The following MAN2A1 variants were observed in gnomAD, a reference collection of about 807,000 sequenced individuals.
MAN2A1 encodes the protein mannosidase alpha class 2A member 1.
MAN2A1 carries 76 observed loss-of-function variants against 142.6 expected under a neutral mutation model. That is an observed-to-expected ratio of 0.53 (90% CI 0.44 to 0.65). The LOEUF (loss-of-function observed/expected upper bound fraction) is 0.65, where lower values mean the gene tolerates loss of function less well. Ranked by LOEUF, MAN2A1 falls within the 30% of genes least tolerant of loss-of-function variation. The probability of loss-of-function intolerance (pLI) is 0.00; values close to 1 mark genes in which losing one functional copy is unlikely to be tolerated. For missense variants in MAN2A1, 1,311 were observed against 1,365.1 expected (o/e 0.96, Z 0.62); for synonymous variants, 559 against 473.2 (o/e 1.18, Z -2.35).
intron 1 of MAN2A1, among the ~76,000 whole-genome samples, chr5:109,695,487 T>C (rs1332794088): frequency 2.0e-5 from 3 of 152,202 alleles, no homozygotes; most frequent in Non-Finnish European, 4.4e-5. Flanking sequence ...GTGTTGAGAG[T>C]TTCCTGGAAT....
intron 16 of MAN2A1, among the ~76,000 whole-genome samples, chr5:109,835,911 G>A (rs1755043838): frequency 6.6e-6 from 1 of 152,042 alleles, no homozygotes; most frequent in African/African-American, 2.4e-5. Context: ...AGAGTTGGTG[G>A]TACAGAGGAA....
intron 12 of MAN2A1, among the ~76,000 whole-genome samples, chr5:109,806,329 A>T (rs1393896343): frequency 6.6e-6 from 1 of 152,172 alleles, no homozygotes; most frequent in East Asian, 1.9e-4. Context: ...AGGATACAGA[A>T]CCATTCTATG....
intron 3 of MAN2A1, among the ~76,000 whole-genome samples, chr5:109,727,551 C>T (rs1751779645): frequency 6.6e-6 from 1 of 152,164 alleles, no homozygotes; most frequent in African/African-American, 2.4e-5. Context: ...TCAGTGCAAA[C>T]TGAAATTTTG....
Position 109,713,681 on chromosome 5 carries a change from C to A in MAN2A1, c.297C>A (p.Gly99=). Residue 99 remains glycine (G), a synonymous_variant, in exon 2 of 22, where the codon GGC becomes GGA. Coordinates refer to ENST00000261483, the MANE Select transcript of MAN2A1 (RefSeq NM_002372.4). The part of the protein sequence containing the change: ...SSQSNFSQGA[G]SHLLPSQLSL... ...AAAGCAATTTCAGCCAAGGTGCTGG[C>A]TCACATCTTCTGCCCTCACAATTAT... The A allele has an allele frequency of 1.2e-6, 2 of 1,614,218 alleles. No individual in the cohort carries two copies. The highest frequency in any genetic ancestry group is 2.2e-5 in the South Asian group (2 of 91,088).
chr5:109,747,214 A>G (rs1224413553), intron 4 of MAN2A1, among the ~76,000 whole-genome samples: 2 of 152,108 alleles, frequency 1.3e-5, no homozygotes, highest in African/African-American at 4.8e-5. Context: ...TTTTTTTTTA[A>G]TCACTGTCAT....
chr5:109,777,375 G>T (rs1753322693), intron 8 of MAN2A1, among the ~76,000 whole-genome samples: 1 of 151,914 alleles, frequency 6.6e-6, no homozygotes, highest in Admixed American at 6.6e-5. Context: ...CTTTTGTGAA[G>T]TACCTATTTA....
intron 10 of MAN2A1, among the ~76,000 whole-genome samples, chr5:109,785,348 C>G (rs1582894923): frequency 6.6e-6 from 1 of 150,916 alleles, no homozygotes; most frequent in African/African-American, 2.4e-5. Flanking sequence ...TTCTTGTATA[C>G]TTCTTTTTTT....
At chr5:109,828,429 C>G (rs780535855) in intron 16 of MAN2A1, among the ~76,000 whole-genome samples, 47 of 152,114 alleles carry the variant, frequency 3.1e-4, no homozygotes, top group Non-Finnish European at 1.0e-4. Flanking sequence ...TTATTTAATA[C>G]TGCACCTACA....
chr5:109,725,495 A>T (rs528590801), intron 3 of MAN2A1, among the ~76,000 whole-genome samples: 1 of 152,352 alleles, frequency 6.6e-6, no homozygotes, highest in East Asian at 1.9e-4. Context: ...GGAGAGACTT[A>T]TAAGAATCCC....
At chr5:109,734,830 A>G (rs539133527) in intron 4 of MAN2A1, among the ~76,000 whole-genome samples, 1 of 152,256 alleles carries the variant, frequency 6.6e-6, no homozygotes, top group East Asian at 1.9e-4. Flanking sequence ...TGCGGTGCTG[A>G]AAAAAATGTA....
chr5:109,761,334 A>G (rs1408230950), intron 5 of MAN2A1, among the ~76,000 whole-genome samples: 1 of 151,650 alleles, frequency 6.6e-6, no homozygotes, highest in Non-Finnish European at 1.5e-5. Context: ...GCTGTTCTGT[A>G]TTAAGTATCA....
chr5:109,733,015 T>C (rs1751964814), intron 4 of MAN2A1, among the ~76,000 whole-genome samples: 1 of 151,726 alleles, frequency 6.6e-6, no homozygotes, highest in South Asian at 2.1e-4. Context: ...TTCTTCCATT[T>C]GTTTGTATCC....
chr5:109,725,225 G>A (rs1170360288), intron 3 of MAN2A1, among the ~76,000 whole-genome samples: 1 of 152,222 alleles, frequency 6.6e-6, no homozygotes, highest in Non-Finnish European at 1.5e-5. Context: ...ATAGCTCAGT[G>A]ATCTAGAAGA....
chr5:109,769,883 A>G (rs77404533), intron 6 of MAN2A1, among the ~76,000 whole-genome samples: 2,162 of 152,148 alleles, frequency 0.014, 39 homozygotes, highest in African/African-American at 0.049. Context: ...TTATAAGTCT[A>G]TGCTCCACAC....
intron 4 of MAN2A1, among the ~76,000 whole-genome samples, chr5:109,730,083 A>G (rs965124630): frequency 2.0e-5 from 3 of 152,280 alleles, no homozygotes; most frequent in Admixed American, 2.0e-4. Context: ...TTTTAAGTAT[A>G]TAATTAAAGT....
At position 109,859,068 on chromosome 5, in the gene MAN2A1, T is replaced by C. The variant is rs184601135; in HGVS notation, c.3171+3734T>C. ...GAGGAGAGCCTAGGAATTTGTAATT[T>C]TTAAAAATGTTTCTCATGAAATTGC... On this transcript the variant is annotated intron_variant, in intron 20 of 21. Coordinates refer to ENST00000261483, the MANE Select transcript of MAN2A1 (RefSeq NM_002372.4). 6.6e-4 allele frequency among the ~76,000 whole-genome samples: 101 copies of C among 152,326 alleles called. 1 individual carries two copies. Among genetic ancestry groups the C allele is most frequent in the African/African-American group, 2.2e-3 (92 of 41,568 alleles).
intron 12 of MAN2A1, among the ~76,000 whole-genome samples, chr5:109,802,700 C>T (rs1330491951): frequency 6.6e-6 from 1 of 151,862 alleles, no homozygotes; most frequent in Non-Finnish European, 1.5e-5. Context: ...CAGTGCTTTT[C>T]ACCCTTTTGT....
chr5:109,802,930 A>G (rs1754069236), intron 12 of MAN2A1, among the ~76,000 whole-genome samples: 1 of 152,188 alleles, frequency 6.6e-6, no homozygotes, highest in South Asian at 2.1e-4. Context: ...AGTTTATGAT[A>G]GGCTACCTAA....
chr5:109,690,266 C>T lies in MAN2A1; in HGVS notation c.-152C>T. On this transcript the variant is annotated 5_prime_UTR_variant, in exon 1 of 22. Coordinates refer to ENST00000261483, the MANE Select transcript of MAN2A1 (RefSeq NM_002372.4). Reference sequence around the variant, plus strand: ...GTGTGGTGGCGCCGGAGACTAGGTGCGGAGCAAGGCGGGGACTCGCACCCG... The same window carrying T: ...GTGTGGTGGCGCCGGAGACTAGGTGTGGAGCAAGGCGGGGACTCGCACCCG... 3 of 726,906 alleles carry T rather than the reference C, an allele frequency of 4.1e-6. No homozygotes were observed. Among genetic ancestry groups the T allele is most frequent in the Non-Finnish European group, 7.1e-6 (3 of 424,926 alleles). The allele number at this position is 726,906 out of a possible 1,614,324, so 45.0% of individuals were successfully genotyped here.
Sources: gnomAD v4.1 joint callset for allele counts (sites outside exome capture counted in the v4.1 genomes callset) on GRCh38, gnomAD v4.1.1 for gene constraint, MANE v1.5 for transcripts, NCBI Gene and HGNC (gene_info 2026-07-23, HGNC 2026-07-21) for gene names.